Variants in GBF1 observed in about 807,000 individuals in gnomAD.
GBF1 encodes the protein Golgi-specific brefeldin A-resistance guanine nucleotide exchange factor 1.
In GBF1, 114 loss-of-function variants were observed where a neutral mutation model predicts 210.5. The observed-to-expected ratio is 0.54, with a 90% CI of 0.47 to 0.63. The LOEUF (loss-of-function observed/expected upper bound fraction) is 0.63, where lower values mean the gene tolerates loss of function less well. Among genes scored for constraint, GBF1 ranks in the 30% least tolerant of loss-of-function variants. The pLI, the probability that GBF1 is intolerant of heterozygous loss-of-function variation, is 0.00. For synonymous variants in GBF1, 850 were observed against 889.2 expected (o/e 0.96, Z 0.78); for missense variants, 1,851 against 2,357.7 (o/e 0.79, Z 4.45).
rs775523660 is a variant in GBF1, at chr10:102,367,498, A to G, written c.2580A>G (p.Lys860=). ...TCTAGGAGTTTCGCAAAAATCTGAA[A>G]GGTGTGAATGGAGGCAAGGACTTTG... ...MTLEEFRKNL[K]GVNGGKDFEQ... The change falls in exon 21 of 40, where the codon AAA becomes AAG. Residue 860 remains lysine, a synonymous_variant. Coordinates refer to ENST00000369983, the MANE Select transcript of GBF1 (RefSeq NM_001377137.1). The G allele has an allele frequency of 1.6e-5, 25 of 1,610,346 alleles. No individual in the cohort carries two copies. The South Asian group carries it at 2.7e-4, about 18-fold the overall frequency.
intron 1 of GBF1, among the ~76,000 whole-genome samples, chr10:102,249,391 C>T (rs574031232): frequency 1.7e-4 from 26 of 152,240 alleles, no homozygotes; most frequent in Admixed American, 1.2e-3. Context: ...ACCTTGTAAA[C>T]GGTTTTTGAG....
chr10:102,329,586 C>G (rs2057169444), intron 3 of GBF1, among the ~76,000 whole-genome samples: 1 of 152,078 alleles, frequency 6.6e-6, no homozygotes, highest in Admixed American at 6.6e-5. Flanking sequence ...GCCTCAGCCT[C>G]CTGAGTAGCT....
At chr10:102,360,160 C>T in intron 11 of GBF1, 24 bp from the exon 12 acceptor site, 1 of 1,501,482 alleles carries the variant, frequency 6.7e-7, no homozygotes, top group Non-Finnish European at 9.3e-7. Context: ...ATAGCAGTCT[C>T]ACTCTCCTCC....
At chr10:102,267,470 C>G (rs1404830844) in intron 3 of GBF1, among the ~76,000 whole-genome samples, 1 of 152,118 alleles carries the variant, frequency 6.6e-6, no homozygotes. Context: ...TGCCACTGCA[C>G]TCCAGCCTGG....
intron 3 of GBF1, among the ~76,000 whole-genome samples, chr10:102,296,598 C>T (rs891161821): frequency 1.3e-5 from 2 of 152,068 alleles, no homozygotes; most frequent in African/African-American, 2.4e-5. Flanking sequence ...CAAAATTAGC[C>T]GGGCTTAGTG....
intron 3 of GBF1, among the ~76,000 whole-genome samples, chr10:102,339,994 C>T (rs1226587485): frequency 6.7e-6 from 1 of 148,238 alleles, no homozygotes; most frequent in Non-Finnish European, 1.5e-5. Flanking sequence ...CACTTTGTCA[C>T]CCAGGCTGGA....
rs184332235 is a variant in GBF1 at position 102,369,373 on chromosome 10, A to G, written c.3136A>G (p.Lys1046Glu). The G allele has an allele frequency of 4.0e-5, 64 of 1,612,968 alleles. No homozygotes were observed. In the East Asian group the frequency reaches 1.1e-3, roughly 29 times the overall value. Residue 1046 changes from lysine (K) to glutamate (E), a missense_variant, in exon 24 of 40, where the codon AAG (lysine) becomes GAG (glutamate). By Grantham distance (56) the Lys-to-Glu change is moderately conservative. This residue lies in a region of GBF1 where 967 missense variants were observed against 1,247.7 expected (regional missense o/e 0.78). Coordinates refer to ENST00000369983, the MANE Select transcript of GBF1 (RefSeq NM_001377137.1). Reference protein sequence around the residue: ...LQLFRAQLLPKAMIEVEDFVD... With the variant: ...LQLFRAQLLPEAMIEVEDFVD... The stretch of plus-strand genomic sequence containing the variant: ...GCTCTTCCGAGCCCAACTACTGCCC[A>G]AGGCTATGATAGAGGTAATTCTTAG...
chr10:102,250,176 A>G (rs2133892584), intron 1 of GBF1, among the ~76,000 whole-genome samples: 1 of 152,300 alleles, frequency 6.6e-6, no homozygotes, highest in East Asian at 1.9e-4. Context: ...CCTTTGGAGA[A>G]TTTATTTGCT....
At chr10:102,298,529 C>A (rs1050621042) in intron 3 of GBF1, among the ~76,000 whole-genome samples, 2 of 152,130 alleles carry the variant, frequency 1.3e-5, no homozygotes, top group African/African-American at 2.4e-5. Context: ...AGGGACCATG[C>A]CTTCTAAATC....
intron 3 of GBF1, among the ~76,000 whole-genome samples, chr10:102,305,128 C>G (rs772010): frequency 0.34 from 51,778 of 151,254 alleles, 9,248 homozygotes; most frequent in South Asian, 0.48. Flanking sequence ...TGGGATCCAG[C>G]AATGGGCTTC....
chr10:102,297,814 CAG>C (rs1364167370), intron 3 of GBF1, among the ~76,000 whole-genome samples: 1 of 152,168 alleles, frequency 6.6e-6, no homozygotes, highest in African/African-American at 2.4e-5. Flanking sequence ...GTATAAAACT[CAG>C]GCCTTTTATA....
At chr10:102,236,201 C>T in the GBF1 span, among the ~76,000 whole-genome samples, 1 of 152,198 alleles carries the variant, frequency 6.6e-6, no homozygotes, top group African/African-American at 2.4e-5. Context: ...TAAGCTCCCC[C>T]AAACTGCTGG....
Position 102,370,225 on chromosome 10 carries a change from T to G in GBF1, c.3391T>G (p.Ser1131Ala). Residue 1131 changes from serine to alanine, a missense_variant, in exon 27 of 40, where the codon TCA becomes GCA. Transcript: ENST00000369983. Reference protein sequence around the residue: ...ITESKFLQLESLQELMKALVS... With the variant: ...ITESKFLQLEALQELMKALVS... ...AGAAAGCAAGTTCCTCCAGCTGGAG[T>G]CACTACAGGAGCTCATGAAGGTAAA... 1 of 1,610,360 alleles carries G rather than the reference T, an allele frequency of 6.2e-7. No individual in the cohort carries two copies.
At chr10:102,326,696 A>G (rs1023480119) in intron 3 of GBF1, among the ~76,000 whole-genome samples, 1 of 152,120 alleles carries the variant, frequency 6.6e-6, no homozygotes, top group African/African-American at 2.4e-5. Flanking sequence ...AACCCCACAC[A>G]TATATACAAA....
chr10:102,345,509 G>A (rs1012712871), intron 4 of GBF1, among the ~76,000 whole-genome samples: 4 of 148,952 alleles, frequency 2.7e-5, no homozygotes, highest in African/African-American at 9.9e-5. Flanking sequence ...TAGCCAGGCA[G>A]GGTGGTACGT....
At position 102,370,539 on chromosome 10, in the gene GBF1, C is replaced by T; in HGVS notation, c.3506+61C>T. 5 of 1,416,326 alleles carry T rather than the reference C, an allele frequency of 3.5e-6. No individual in the cohort carries two copies. The South Asian group carries it at 5.8e-5, about 16-fold the overall frequency. The allele number at this position is 1,416,326 out of a possible 1,614,324, so 87.7% of individuals were successfully genotyped here. A position where few individuals can be genotyped will look rare whatever the true frequency, so the allele number is the denominator to read the frequency against. On this transcript the variant is annotated intron_variant, in intron 28 of 39. Coordinates refer to ENST00000369983, the MANE Select transcript of GBF1 (RefSeq NM_001377137.1). ...TGGGCTTGTGCCAAAGGGATGGAAG[C>T]CATCTTGCTGAGTGGGCTCTGGGGA...
intron 3 of GBF1, among the ~76,000 whole-genome samples, chr10:102,332,003 G>T (rs1177404922): frequency 9.2e-5 from 14 of 151,918 alleles, no homozygotes; most frequent in African/African-American, 4.8e-5. Flanking sequence ...GGGATTACAG[G>T]CGTCTGCCAT....
At chr10:102,293,531 G>A (rs1056062499) in intron 3 of GBF1, among the ~76,000 whole-genome samples, 5 of 151,894 alleles carry the variant, frequency 3.3e-5, no homozygotes, top group Non-Finnish European at 5.9e-5. Context: ...ATTATCATAG[G>A]AGATGACAGC....
chr10:102,346,050 T>C (rs2058544834), intron 4 of GBF1, among the ~76,000 whole-genome samples: 1 of 152,144 alleles, frequency 6.6e-6, no homozygotes, highest in South Asian at 2.1e-4. Context: ...ATAATGCTAA[T>C]ATAAGCATCC....
Sources: gnomAD v4.1 joint callset for allele counts (sites outside exome capture counted in the v4.1 genomes callset) on GRCh38, gnomAD v4.1.1 for gene constraint, gnomAD v4.1.1 regional missense constraint, MANE v1.5 for transcripts, NCBI Gene and HGNC (gene_info 2026-07-23, HGNC 2026-07-21) for gene names.